DAAM1: variants seen among roughly 807,000 people sequenced by gnomAD.
The protein encoded by DAAM1 is dishevelled associated activator of morphogenesis 1, also known as disheveled-associated activator of morphogenesis 1.
In DAAM1, 52 loss-of-function variants were observed where a neutral mutation model predicts 130.0. The observed-to-expected ratio is 0.40, with a 90% CI of 0.32 to 0.50. The LOEUF is 0.50. DAAM1 is among the 20% of genes least tolerant of loss of function. The pLI is 0.61. For missense variants in DAAM1, 1,134 were observed against 1,303.8 expected (o/e 0.87, Z 2.01); for synonymous variants, 452 against 444.5 (o/e 1.02, Z -0.21).
chr14:59,307,300 G>A (rs1884412706), intron 3 of DAAM1, among the ~76,000 whole-genome samples: 1 of 152,174 alleles, frequency 6.6e-6, no homozygotes, highest in Non-Finnish European at 1.5e-5. Flanking sequence ...CTCTTGGCCA[G>A]TTTTGCATCT....
intron 1 of DAAM1, among the ~76,000 whole-genome samples, chr14:59,247,395 CTGGA>C (rs1396345051): frequency 6.6e-6 from 1 of 152,056 alleles, no homozygotes; most frequent in Non-Finnish European, 1.5e-5. Flanking sequence ...ATATGCCTTC[CTGGA>C]TGGATTTTTC....
At position 59,216,058 on chromosome 14, in the gene DAAM1, A is replaced by G. The variant is rs555395668; in HGVS notation, c.-38+27290A>G. Among the ~76,000 whole-genome samples, 8 of 152,240 alleles carry G rather than the reference A, an allele frequency of 5.3e-5. No homozygotes were observed. The South Asian group carries it at 1.7e-3, about 32-fold the overall frequency. ...TCTTCTTGTGGGTGGAGTTTGCTACACACAGGTGGAGTCTAGAAGGTGAGG... is the reference window on the plus strand; with the variant it reads ...TCTTCTTGTGGGTGGAGTTTGCTACGCACAGGTGGAGTCTAGAAGGTGAGG... On this transcript the variant is annotated intron_variant, in intron 1 of 24. Coordinates refer to ENST00000360909, the MANE Select transcript of DAAM1 (RefSeq NM_001270520.2).
At chr14:59,239,851 T>C (rs1365070564) in intron 1 of DAAM1, among the ~76,000 whole-genome samples, 3 of 152,208 alleles carry the variant, frequency 2.0e-5, no homozygotes, top group Non-Finnish European at 4.4e-5. Context: ...GACTTTTCTT[T>C]ATCTTTTTAG....
intron 19 of DAAM1, among the ~76,000 whole-genome samples, chr14:59,354,489 A>G (rs2139673355): frequency 6.6e-6 from 1 of 152,276 alleles, no homozygotes; most frequent in Admixed American, 6.5e-5. Context: ...GGGCTCCTCT[A>G]CAGGGTTGGG....
At chr14:59,321,334 G>A (rs1884999171) in intron 5 of DAAM1, among the ~76,000 whole-genome samples, 1 of 152,226 alleles carries the variant, frequency 6.6e-6, no homozygotes, top group Non-Finnish European at 1.5e-5. Context: ...CTCTTTGGGT[G>A]ATTAAACTGT....
At chr14:59,301,392 A>G (rs745425065) in intron 3 of DAAM1, among the ~76,000 whole-genome samples, 13 of 152,092 alleles carry the variant, frequency 8.5e-5, no homozygotes, top group Non-Finnish European at 1.9e-4. Flanking sequence ...CGAATTGTTC[A>G]TATCGTTCAA....
intron 19 of DAAM1, among the ~76,000 whole-genome samples, chr14:59,354,221 T>C (rs984046409): frequency 2.6e-5 from 4 of 152,082 alleles, no homozygotes; most frequent in Admixed American, 2.0e-4. Context: ...CCACCACGCC[T>C]GGCTAATTTT....
chr14:59,300,723 TTG>T (rs1234442432), intron 3 of DAAM1, among the ~76,000 whole-genome samples: 2 of 152,196 alleles, frequency 1.3e-5, no homozygotes, highest in Admixed American at 1.3e-4. Context: ...TGAAAGTGGT[TTG>T]TGTTTCTGTC....
intron 2 of DAAM1, among the ~76,000 whole-genome samples, chr14:59,289,988 G>A (rs1883668949): frequency 6.6e-6 from 1 of 151,982 alleles, no homozygotes; most frequent in Admixed American, 6.6e-5. Context: ...GAACAGGGAA[G>A]GTGGTGGGGG....
intron 10 of DAAM1, 66 bp from the exon 11 acceptor site, chr14:59,326,444 G>A: frequency 6.6e-7 from 1 of 1,504,912 alleles, no homozygotes; most frequent in Non-Finnish European, 8.9e-7. Context: ...GACCACCATT[G>A]ACAAATATTC....
chr14:59,247,651 T>A (rs991067922), intron 1 of DAAM1, among the ~76,000 whole-genome samples: 3 of 151,808 alleles, frequency 2.0e-5, no homozygotes, highest in African/African-American at 7.3e-5. Flanking sequence ...AAATAATAGC[T>A]AAACCACTCT....
At chr14:59,355,662 T>G (rs972075032) in intron 20 of DAAM1, among the ~76,000 whole-genome samples, 2 of 152,192 alleles carry the variant, frequency 1.3e-5, no homozygotes, top group African/African-American at 2.4e-5. Context: ...TATAATATAC[T>G]AAGAAGAGGT....
chr14:59,295,274 C>G (rs12147857), intron 3 of DAAM1, among the ~76,000 whole-genome samples: 16,760 of 152,154 alleles, frequency 0.11, 1,504 homozygotes, highest in African/African-American at 0.25. Flanking sequence ...AATTTTTACT[C>G]TGCTGCTGAG....
At chr14:59,351,774 G>A (rs1164638804) in intron 17 of DAAM1, among the ~76,000 whole-genome samples, 1 of 151,970 alleles carries the variant, frequency 6.6e-6, no homozygotes, top group Non-Finnish European at 1.5e-5. Flanking sequence ...AAAAGTTAAG[G>A]GCATTTGATC....
intron 15 of DAAM1, among the ~76,000 whole-genome samples, chr14:59,335,038 A>G (rs1172460382): frequency 6.6e-6 from 1 of 152,154 alleles, no homozygotes; most frequent in Admixed American, 6.5e-5. Flanking sequence ...GCTCACCCCC[A>G]ACTCTATGAG....
chr14:59,253,245 T>G (rs904636841), intron 1 of DAAM1, among the ~76,000 whole-genome samples: 2 of 152,162 alleles, frequency 1.3e-5, no homozygotes, highest in Non-Finnish European at 2.9e-5. Flanking sequence ...AAGAAAGAAG[T>G]GGTGGAGCTG....
rs111578221 is a variant in DAAM1 at position 59,323,236 on chromosome 14, G to C, written c.774+11G>C. ...AGGACCCGCTTTCAGGTGGGTGTTC[G>C]CTCAGCCTTCTTCACTCACCCCTTC... On this transcript the variant is annotated intron_variant, in intron 6 of 24. Transcript: ENST00000360909. 23 of 1,582,408 alleles carry C rather than the reference G, an allele frequency of 1.5e-5. No individual in the cohort carries two copies. Among genetic ancestry groups the C allele is most frequent in the Non-Finnish European group, 1.8e-5 (21 of 1,162,598 alleles).
chr14:59,195,202 GGT>G (rs1887848316), intron 1 of DAAM1, among the ~76,000 whole-genome samples: 1 of 144,122 alleles, frequency 6.9e-6, no homozygotes, highest in Non-Finnish European at 1.5e-5. Context: ...GGAGTGCAGT[GGT>G]GCGATCTCAG....
intron 1 of DAAM1, among the ~76,000 whole-genome samples, chr14:59,203,960 T>C (rs74059709): frequency 0.011 from 1,667 of 152,348 alleles, 27 homozygotes; most frequent in African/African-American, 0.038. Context: ...AAATTTGGAT[T>C]CATGATCGTC....
Sources: allele counts gnomAD v4.1 joint callset (sites outside exome capture counted in the v4.1 genomes callset), GRCh38; gene constraint gnomAD v4.1.1; transcripts MANE v1.5; gene names NCBI Gene and HGNC (gene_info 2026-07-23, HGNC 2026-07-21).